Variants in OTOGL observed in about 807,000 individuals in gnomAD.
OTOGL encodes otogelin like, also known as otogelin-like protein.
In OTOGL, 285 loss-of-function variants were observed where a neutral mutation model predicts 318.5. The ratio of observed to expected loss-of-function variants is 0.89; its 90% CI spans 0.81 to 0.99. OTOGL has a LOEUF of 0.99. Ranked by LOEUF, OTOGL falls within the 50% of genes least tolerant of loss-of-function variation. The pLI is 0.00. For missense variants in OTOGL, 2,899 were observed against 2,845.6 expected (o/e 1.02, Z -0.43); for synonymous variants, 987 against 936.5 (o/e 1.05, Z -0.99).
At chr12:80,278,977 A>T in intron 25 of OTOGL, 51 bp from the exon 26 acceptor site, 1 of 1,566,206 alleles carries the variant, frequency 6.4e-7, no homozygotes, top group Non-Finnish European at 8.7e-7. Context: ...ACTTGAAATC[A>T]CTAGTTAGAG....
At chr12:80,275,894 T>C (rs1200754421) in intron 24 of OTOGL, among the ~76,000 whole-genome samples, 1 of 151,814 alleles carries the variant, frequency 6.6e-6, no homozygotes, top group African/African-American at 2.4e-5. Context: ...TTTTTAGATA[T>C]AATGCTATTA....
Position 80,358,239 on chromosome 12 carries a change from T to TTA in OTOGL, c.6020-8_6020-7dup. 6.3e-7 allele frequency: 1 copy of TTA among 1,596,600 alleles called. No homozygotes were observed. The highest frequency in any genetic ancestry group is 8.6e-7 in the Non-Finnish European group (1 of 1,166,200). Reference sequence around the variant, plus strand: ...CAGCTGTGATTTTTGGCTTCTTGTTTTACCTTAGTTTGTGAATCTTGCACC... The same window carrying TTA: ...CAGCTGTGATTTTTGGCTTCTTGTTTTATACCTTAGTTTGTGAATCTTGCACC... On this transcript the variant is annotated splice_polypyrimidine_tract_variant and intron_variant, in intron 49 of 58. Transcript: ENST00000547103.
At chr12:80,208,146 CT>C (rs1311192188) in intron 1 of OTOGL, 1 of 498,202 alleles carries the variant, frequency 2.0e-6, no homozygotes, top group African/African-American at 2.0e-5. Flanking sequence ...CATGCTTAAG[CT>C]TTTTCCTTTA....
rs1869014285 is a variant in OTOGL, at chr12:80,099,621, T to C, written c.-20+16T>C. 1 of 152,124 alleles carries C rather than the reference T, an allele frequency of 6.6e-6. No individual in the cohort carries two copies. Among genetic ancestry groups the C allele is most frequent in the Non-Finnish European group, 1.5e-5 (1 of 68,020 alleles). The allele number at this position is 152,124 out of a possible 1,614,324, so 9.4% of individuals were successfully genotyped here. On this transcript the variant is annotated intron_variant, in intron 1 of 58. Coordinates refer to ENST00000547103, the MANE Select transcript of OTOGL (RefSeq NM_001378609.3). Reference sequence around the variant, plus strand: ...TGCTTCCCTGGTAAGTTTTGGGGGATGGAAGTGGCAGCAGTCATAAGAAAG... The same window carrying C: ...TGCTTCCCTGGTAAGTTTTGGGGGACGGAAGTGGCAGCAGTCATAAGAAAG...
In OTOGL at chr12:80,337,014, C is replaced by G. The variant is rs747472928; in HGVS notation, c.4860+10C>G. On this transcript the variant is annotated intron_variant, in intron 42 of 58. Coordinates refer to ENST00000547103, the MANE Select transcript of OTOGL (RefSeq NM_001378609.3). ...TCGGTTGGCAAGAAAGGTAAGAATA[C>G]AAAGTTAAAATTTTTTCTCACATTA... The G allele has an allele frequency of 9.1e-6, 14 of 1,540,020 alleles. No homozygotes were observed. The highest frequency in any genetic ancestry group is 1.1e-5 in the Non-Finnish European group (13 of 1,134,308).
chr12:80,214,937 G>A (rs182569013), intron 4 of OTOGL, among the ~76,000 whole-genome samples: 67 of 152,258 alleles, frequency 4.4e-4, no homozygotes, highest in Admixed American at 1.6e-3. Context: ...TCACACCTTA[G>A]CCTTGGTGAA....
At chr12:80,323,634 G>A (rs1887488269) in intron 34 of OTOGL, 89 bp from the exon 35 acceptor site, 1 of 1,001,710 alleles carries the variant, frequency 1.0e-6, no homozygotes, top group Non-Finnish European at 1.5e-6. Flanking sequence ...GAGTGACAGA[G>A]CGAGACTGTC....
intron 24 of OTOGL, among the ~76,000 whole-genome samples, chr12:80,275,199 A>T (rs1883707357): frequency 5.3e-5 from 8 of 151,986 alleles, no homozygotes; most frequent in Admixed American, 5.3e-4. Context: ...AGTATTCACT[A>T]TTCTAAATAC....
chr12:80,356,973 T>C (rs1200254023), intron 49 of OTOGL, 59 bp downstream of exon 49: 25 of 1,056,058 alleles, frequency 2.4e-5, no homozygotes, highest in Non-Finnish European at 2.8e-5. Flanking sequence ...AAAAAATCTC[T>C]TATTTGATGT....
At chr12:80,344,388 AAAAATC>A (rs1889028805) in intron 44 of OTOGL, among the ~76,000 whole-genome samples, 1 of 152,302 alleles carries the variant, frequency 6.6e-6, no homozygotes, top group Non-Finnish European at 1.5e-5. Flanking sequence ...TCCAGTATAC[AAAAATC>A]AGCTGGGTGT....
chr12:80,361,157 G>A (rs1024705984), intron 52 of OTOGL: 2 of 148,474 alleles, frequency 1.3e-5, no homozygotes, highest in African/African-American at 5.0e-5. Flanking sequence ...CCTCAGCCCT[G>A]GTAACCACCA....
intron 26 of OTOGL, among the ~76,000 whole-genome samples, chr12:80,280,518 A>G (rs1253726570): frequency 3.3e-5 from 5 of 151,950 alleles, no homozygotes; most frequent in Non-Finnish European, 7.4e-5. Flanking sequence ...GCATATGGCT[A>G]GCTGGTTATC....
chr12:80,247,327 T>G (rs1482145718), intron 11 of OTOGL, among the ~76,000 whole-genome samples: 3 of 145,108 alleles, frequency 2.1e-5, no homozygotes, highest in Non-Finnish European at 3.0e-5. Context: ...CTCTACACAC[T>G]GCTTTGAATG....
chr12:80,372,140 CA>C, intron 57 of OTOGL, 76 bp downstream of exon 57: 1 of 1,063,004 alleles, frequency 9.4e-7, no homozygotes. Context: ...GTTTTTCTCA[CA>C]AAATTCAATT....
intron 9 of OTOGL, among the ~76,000 whole-genome samples, chr12:80,235,652 T>A (rs1424388209): frequency 6.6e-6 from 1 of 152,068 alleles, no homozygotes; most frequent in Non-Finnish European, 1.5e-5. Flanking sequence ...ATAAAATGGT[T>A]GTTCATAGTG....
At chr12:80,106,475 T>C (rs900374497) in intron 1 of OTOGL, among the ~76,000 whole-genome samples, 24 of 152,322 alleles carry the variant, frequency 1.6e-4, no homozygotes, top group African/African-American at 1.9e-4. Flanking sequence ...TTCCTCTTTT[T>C]TTCTTGATAT....
At chr12:80,317,626 A>G (rs911686085) in intron 32 of OTOGL, among the ~76,000 whole-genome samples, 1 of 152,174 alleles carries the variant, frequency 6.6e-6, no homozygotes, top group African/African-American at 2.4e-5. Flanking sequence ...ACATATTTGT[A>G]CAAATCTACA....
chr12:80,268,200 T>C (rs1189396189), intron 22 of OTOGL, among the ~76,000 whole-genome samples: 1 of 152,146 alleles, frequency 6.6e-6, no homozygotes, highest in Non-Finnish European at 1.5e-5. Context: ...CAACAGATAA[T>C]AATAGACAGT....
intron 17 of OTOGL, 44 bp downstream of exon 17, chr12:80,256,504 A>ACAAACAAG (rs72408849): frequency 2.3e-5 from 34 of 1,503,796 alleles, no homozygotes; most frequent in Non-Finnish European, 2.8e-5. Flanking sequence ...CATCAAACAA[A>ACAAACAAG]CAAACAAACA....
Sources: allele counts gnomAD v4.1 joint callset (sites outside exome capture counted in the v4.1 genomes callset), GRCh38; gene constraint gnomAD v4.1.1; transcripts MANE v1.5; gene names NCBI Gene and HGNC (gene_info 2026-07-23, HGNC 2026-07-21).